The following RTL4 variants were observed in gnomAD, a reference collection of about 807,000 sequenced individuals.
The protein encoded by RTL4 is retrotransposon Gag like 4.
RTL4 carries 4 observed loss-of-function variants against 5.3 expected under a neutral mutation model. The observed-to-expected ratio is 0.75, with a 90% CI of 0.37 to 1.72. The LOEUF is 1.72. Among genes scored for constraint, RTL4 ranks in the 40% most tolerant of loss-of-function variants. RTL4 has a pLI of 0.04. For missense variants in RTL4, 260 were observed against 227.1 expected (o/e 1.14, Z -0.93); for synonymous variants, 98 against 87.3 (o/e 1.12, Z -0.68).
chrX:112,323,258 T>C, the RTL4 span, among the ~76,000 whole-genome samples: 1 of 111,491 alleles, frequency 9.0e-6, no homozygotes, highest in Non-Finnish European at 1.9e-5. Context: ...GTGAATCTTT[T>C]TGTCTGTTAG....
chrX:112,387,952 A>G, the RTL4 span, among the ~76,000 whole-genome samples: 2 of 112,149 alleles, frequency 1.8e-5, no homozygotes, highest in African/African-American at 6.5e-5. Context: ...TTCTAGTTCT[A>G]TGAAGAATGT....
the RTL4 span, among the ~76,000 whole-genome samples, chrX:112,286,079 G>C: frequency 9.0e-6 from 1 of 111,632 alleles, no homozygotes; most frequent in Admixed American, 9.6e-5. Flanking sequence ...AGGAGATAGA[G>C]AGTGATGGGG....
the RTL4 span, among the ~76,000 whole-genome samples, chrX:112,236,476 G>GATATAGATCTATATCTATAT: frequency 2.1e-4 from 16 of 75,273 alleles, no homozygotes; most frequent in African/African-American, 9.3e-4. Flanking sequence ...TCTATATATA[G>GATATAGATCTATATCTATAT]ATATAGATCT....
the RTL4 span, among the ~76,000 whole-genome samples, chrX:112,317,415 A>C: frequency 6.2e-5 from 7 of 112,265 alleles, no homozygotes; most frequent in African/African-American, 2.3e-4. Flanking sequence ...GGGCTTAAAC[A>C]AGGGAAACTA....
chrX:112,097,472 C>CA, the RTL4 span, among the ~76,000 whole-genome samples: 1 of 110,360 alleles, frequency 9.1e-6, no homozygotes, highest in African/African-American at 3.3e-5. Flanking sequence ...CTCACCTCTA[C>CA]AAAAAATACA....
the RTL4 span, among the ~76,000 whole-genome samples, chrX:112,141,959 A>G: frequency 2.7e-5 from 3 of 111,882 alleles, no homozygotes; most frequent in Non-Finnish European, 3.8e-5. Flanking sequence ...ATTTATTTTT[A>G]TGGTTCTCTA....
At chrX:112,381,892 G>C in the RTL4 span, 1 of 1,210,327 alleles carries the variant, frequency 8.3e-7, no homozygotes, top group Non-Finnish European at 1.1e-6. Flanking sequence ...TATTGGGAAA[G>C]AGAAAAAGAA....
At chrX:112,455,618 G>A (rs758845114) in exon 1 of RTL4, 37 of 1,208,339 alleles carry the variant, frequency 3.1e-5, no homozygotes, top group South Asian at 5.3e-5. Flanking sequence ...CTTGCCAAAC[G>A]TTCTCGAGCT....
the RTL4 span, among the ~76,000 whole-genome samples, chrX:112,145,882 G>A: frequency 8.9e-6 from 1 of 112,032 alleles, no homozygotes; most frequent in Admixed American, 9.5e-5. Flanking sequence ...AAGCCAACAA[G>A]CAAAGGAGAG....
chrX:112,221,434 C>A, the RTL4 span, among the ~76,000 whole-genome samples: 1 of 111,392 alleles, frequency 9.0e-6, no homozygotes. Context: ...TCAAGGTGCT[C>A]CAGCCAGGTC....
the RTL4 span, among the ~76,000 whole-genome samples, chrX:112,112,796 C>T: frequency 2.7e-5 from 3 of 111,707 alleles, no homozygotes; most frequent in South Asian, 3.8e-4. Context: ...AGACCATCCA[C>T]GTAAGTTGGG....
the RTL4 span, among the ~76,000 whole-genome samples, chrX:112,130,571 C>CA: frequency 9.1e-6 from 1 of 110,242 alleles, no homozygotes; most frequent in Non-Finnish European, 1.9e-5. Flanking sequence ...GTTAATAATA[C>CA]AAAAAATACT....
At chrX:112,121,694 A>G in the RTL4 span, among the ~76,000 whole-genome samples, 4 of 111,830 alleles carry the variant, frequency 3.6e-5, no homozygotes, top group Admixed American at 3.8e-4. Flanking sequence ...TAAAATATTA[A>G]CAAATTGATT....
chrX:112,185,776 T>C, the RTL4 span, among the ~76,000 whole-genome samples: 17 of 110,124 alleles, frequency 1.5e-4, no homozygotes, highest in Non-Finnish European at 2.8e-4. Flanking sequence ...TAATCTTTAA[T>C]ATGGAGATAA....
At chrX:112,353,192 G>A in the RTL4 span, among the ~76,000 whole-genome samples, 1 of 111,700 alleles carries the variant, frequency 9.0e-6, no homozygotes, top group Non-Finnish European at 1.9e-5. Flanking sequence ...AACAGGTGCT[G>A]GAGAGGATGT....
chrX:112,387,556 C>T, the RTL4 span, among the ~76,000 whole-genome samples: 10 of 110,881 alleles, frequency 9.0e-5, no homozygotes, highest in African/African-American at 3.3e-4. Flanking sequence ...GGAGAGAGCA[C>T]CAGATCAAGG....
chrX:112,101,956 C>A, the RTL4 span, among the ~76,000 whole-genome samples: 4 of 110,792 alleles, frequency 3.6e-5, no homozygotes, highest in South Asian at 1.6e-3. Context: ...AACCCTTCCC[C>A]TACAGCCTTT....
the RTL4 span, among the ~76,000 whole-genome samples, chrX:112,083,411 A>G: frequency 8.9e-6 from 1 of 112,231 alleles, no homozygotes; most frequent in African/African-American, 3.2e-5. Flanking sequence ...CTGGGGGAGT[A>G]AGGGCGGCGG....
chrX:112,419,595 T>TATATATATATATATATATATATATA, the RTL4 span, among the ~76,000 whole-genome samples: 93 of 28,123 alleles, frequency 3.3e-3, 3 homozygotes, highest in East Asian at 7.6e-3. Context: ...ATATATATAT[T>TATATATATATATATATATATATATA]TTTACATATG....
Sources: gnomAD v4.1 joint callset for allele counts (sites outside exome capture counted in the v4.1 genomes callset) on GRCh38, gnomAD v4.1.1 for gene constraint, MANE v1.5 for transcripts, NCBI Gene and HGNC (gene_info 2026-07-23, HGNC 2026-07-21) for gene names.